PEAK1: variants seen among roughly 807,000 people sequenced by gnomAD.
The protein encoded by PEAK1 is pseudopodium enriched atypical kinase 1.
A neutral mutation model predicts 124.7 loss-of-function variants in PEAK1; 54 were observed. That is an observed-to-expected ratio of 0.43 (90% CI 0.35 to 0.54). The LOEUF (loss-of-function observed/expected upper bound fraction) is 0.54. Ranked by LOEUF, PEAK1 falls within the 20% of genes least tolerant of loss-of-function variation. PEAK1 has a pLI of 0.01. For synonymous variants in PEAK1, 719 were observed against 760.0 expected (o/e 0.95, Z 0.89); for missense variants, 2,046 against 2,134.5 (o/e 0.96, Z 0.82).
At position 77,113,707 on chromosome 15, in the gene PEAK1, CAG is replaced by C. The variant is rs2051118961; in HGVS notation, c.*447_*448del. 6.1e-6 allele frequency: 1 copy of C among 163,648 alleles called. No homozygotes were observed. Among genetic ancestry groups the C allele is most frequent in the Non-Finnish European group, 1.3e-5 (1 of 74,482 alleles). 10.1% of individuals were successfully genotyped at this position (163,648 alleles called of 1,614,324 possible). A position where few individuals can be genotyped will look rare whatever the true frequency, so the allele number is the denominator to read the frequency against. The stretch of plus-strand genomic sequence containing the variant: ...ACACCTTAAAGGAAGAGTCTGTTGT[CAG>C]AGTCTACTGGGTCGTGGTAGAGACT... On this transcript the variant is annotated 3_prime_UTR_variant, in exon 10 of 10. Transcript: ENST00000682557.
rs755339504 is a variant in PEAK1 at position 77,139,491 on chromosome 15, C to T, written c.3332-5741G>A. Among the ~76,000 whole-genome samples, 154 of 152,064 alleles carry T rather than the reference C, an allele frequency of 1.0e-3. 1 individual carries two copies. The highest frequency in any genetic ancestry group is 1.6e-3 in the Non-Finnish European group (108 of 68,004). ...GTTTACACCAGCATCACCACAAACA[C>T]GTGAGTAATGCCTTGCGCTGTGATG... On this transcript the variant is annotated intron_variant, in intron 8 of 9. Coordinates refer to ENST00000682557, the MANE Select transcript of PEAK1 (RefSeq NM_001385026.1).
chr15:77,115,438 C>T (rs1052522608), intron 9 of PEAK1, 119 bp from the exon 10 acceptor site: 52 of 911,726 alleles, frequency 5.7e-5, no homozygotes, highest in Non-Finnish European at 7.8e-5. Flanking sequence ...TAAAGTTGTT[C>T]GCAAGGCTTG....
At chr15:77,348,222 C>G (rs2066991001) in intron 2 of PEAK1, 2 of 973,972 alleles carry the variant, frequency 2.1e-6, no homozygotes, top group Non-Finnish European at 2.4e-6. Context: ...ATCAGAGACC[C>G]ACCTGTACTG....
chr15:77,148,416 A>G (rs1358586138), intron 8 of PEAK1, among the ~76,000 whole-genome samples: 1 of 152,174 alleles, frequency 6.6e-6, no homozygotes, highest in East Asian at 1.9e-4. Context: ...CACAGCTGTC[A>G]CTATTTGTCA....
At chr15:77,352,082 T>C (rs566420808) in intron 2 of PEAK1, 2 of 810,066 alleles carry the variant, frequency 2.5e-6, no homozygotes, top group South Asian at 1.1e-4. Flanking sequence ...TGGCCAGGCA[T>C]GGTGATACAT....
At chr15:77,199,752 C>T (rs371349513) in intron 6 of PEAK1, among the ~76,000 whole-genome samples, 4 of 152,206 alleles carry the variant, frequency 2.6e-5, no homozygotes, top group African/African-American at 4.8e-5. Context: ...GAAGAATTTA[C>T]GGAAGATGAC....
intron 6 of PEAK1, among the ~76,000 whole-genome samples, chr15:77,224,799 A>G (rs1440534772): frequency 1.3e-5 from 2 of 151,952 alleles, no homozygotes; most frequent in Admixed American, 6.6e-5. Flanking sequence ...ATTTGTATGG[A>G]GAGAGGTGTT....
At position 77,181,343 on chromosome 15, in the gene PEAK1, C is replaced by G; in HGVS notation, c.584G>C (p.Ser195Thr). The change falls in exon 7 of 10, where the codon AGT (serine) becomes ACT (threonine). Residue 195 changes from serine to threonine, a missense_variant. Transcript: ENST00000682557. ...KRSLERKLPP[S>T]CMIGGIKETQ... The stretch of plus-strand genomic sequence containing the variant: ...TTCCTTTATCCCACCTATCATGCAA[C>G]TTGGTGGAAGCTTTCTTTCCAATGA... 6.2e-7 allele frequency: 1 copy of G among 1,614,172 alleles called. No homozygotes were observed. Among genetic ancestry groups the G allele is most frequent in the South Asian group, 1.1e-5 (1 of 91,078 alleles).
At chr15:77,401,943 A>G in intron 1 of PEAK1, 1 of 978,220 alleles carries the variant, frequency 1.0e-6, no homozygotes. Flanking sequence ...TCACACCTGT[A>G]ATCCCAGCAC....
At chr15:77,294,500 T>C (rs2063385082) in intron 2 of PEAK1, among the ~76,000 whole-genome samples, 1 of 152,228 alleles carries the variant, frequency 6.6e-6, no homozygotes, top group Non-Finnish European at 1.5e-5. Flanking sequence ...AAACATTCAA[T>C]CTTCCTGAAC....
chr15:77,205,361 G>C (rs760511390), intron 6 of PEAK1, among the ~76,000 whole-genome samples: 3 of 151,576 alleles, frequency 2.0e-5, no homozygotes, highest in Non-Finnish European at 2.9e-5. Flanking sequence ...GGGAGGCTCT[G>C]ACTGTCTTGG....
At chr15:77,289,698 T>C (rs558637792) in intron 2 of PEAK1, among the ~76,000 whole-genome samples, 1 of 152,112 alleles carries the variant, frequency 6.6e-6, no homozygotes, top group Non-Finnish European at 1.5e-5. Context: ...TAGTGGGGCA[T>C]GGTGGCACAA....
chr15:77,175,443 G>A (rs1019121390), intron 7 of PEAK1, among the ~76,000 whole-genome samples: 36 of 151,020 alleles, frequency 2.4e-4, no homozygotes, highest in African/African-American at 8.5e-4. Context: ...GTGGGCAAAG[G>A]ATATGAACAG....
chr15:77,293,426 C>T (rs1295589806), intron 2 of PEAK1, among the ~76,000 whole-genome samples: 1 of 152,192 alleles, frequency 6.6e-6, no homozygotes, highest in Non-Finnish European at 1.5e-5. Context: ...ATTCCAGCCA[C>T]AGTAATCTAT....
At chr15:77,413,146 G>C (rs1889142715) in intron 1 of PEAK1, among the ~76,000 whole-genome samples, 2 of 152,184 alleles carry the variant, frequency 1.3e-5, no homozygotes, top group Non-Finnish European at 2.9e-5. Context: ...ACTAATGAAT[G>C]CTAAAATTAG....
chr15:77,195,222 A>G (rs79430835), intron 6 of PEAK1, among the ~76,000 whole-genome samples: 1 of 152,134 alleles, frequency 6.6e-6, no homozygotes, highest in South Asian at 2.1e-4. Context: ...TTAATGCTTA[A>G]AGAGCTCAAA....
chr15:77,116,744 CTATCTATCTAT>C (rs2051423000), intron 9 of PEAK1, among the ~76,000 whole-genome samples: 1 of 145,930 alleles, frequency 6.9e-6, no homozygotes, highest in Non-Finnish European at 1.5e-5. Context: ...ATCTATCTAT[CTATCTATCTAT>C]ACCTCAGCAC....
intron 2 of PEAK1, among the ~76,000 whole-genome samples, chr15:77,357,309 G>C (rs1034816188): frequency 6.6e-6 from 1 of 152,200 alleles, no homozygotes; most frequent in South Asian, 2.1e-4. Flanking sequence ...GTCTTACTCT[G>C]TTACCCAGTC....
intron 8 of PEAK1, among the ~76,000 whole-genome samples, chr15:77,137,287 G>A (rs1044233743): frequency 6.6e-6 from 1 of 152,242 alleles, no homozygotes. Flanking sequence ...GCACTGCCTA[G>A]TGGAGCTGTG....
Sources: allele counts gnomAD v4.1 joint callset (sites outside exome capture counted in the v4.1 genomes callset), GRCh38; gene constraint gnomAD v4.1.1; transcripts MANE v1.5; gene names NCBI Gene and HGNC (gene_info 2026-07-23, HGNC 2026-07-21).